The following MGA variants were observed in gnomAD, a reference collection of about 807,000 sequenced individuals.
The protein encoded by MGA is MAX dimerization protein MGA.
A neutral mutation model predicts 261.1 loss-of-function variants in MGA; 40 were observed. The observed-to-expected ratio is 0.15, with a 90% CI of 0.12 to 0.20. The LOEUF is 0.20. Among genes scored for constraint, MGA ranks in the 10% least tolerant of loss-of-function variants. The pLI, the probability that MGA is intolerant of heterozygous loss-of-function variation, is 1.00. For synonymous variants in MGA, 1,302 were observed against 1,290.6 expected (o/e 1.01, Z -0.19); for missense variants, 3,397 against 3,630.5 (o/e 0.94, Z 1.65).
At position 41,769,583 on chromosome 15, in the gene MGA, T is replaced by C. The variant is rs2063952764; in HGVS notation, c.*2303T>C. The C allele has an allele frequency of 6.6e-6, 1 of 152,496 alleles. No individual in the cohort carries two copies. The highest frequency in any genetic ancestry group is 1.5e-5 in the Non-Finnish European group (1 of 68,008). 9.4% of individuals were successfully genotyped at this position (152,496 alleles called of 1,614,324 possible). On this transcript the variant is annotated 3_prime_UTR_variant, in exon 24 of 24. Coordinates refer to ENST00000219905, the MANE Select transcript of MGA (RefSeq NM_001164273.2). Reference sequence around the variant, plus strand: ...TAAAATCTCCAAAAACTCCTACCCTTTAACCTTACCCTAGGGGGAACTGAT... The same window carrying C: ...TAAAATCTCCAAAAACTCCTACCCTCTAACCTTACCCTAGGGGGAACTGAT...
At chr15:41,739,790 T>A in intron 13 of MGA, 116 bp from the exon 14 acceptor site, 1 of 1,047,904 alleles carries the variant, frequency 9.5e-7, no homozygotes, top group South Asian at 1.5e-5. Flanking sequence ...TCTTTTTCCC[T>A]TTTAAATCTG....
At position 41,754,505 on chromosome 15, in the gene MGA, A is replaced by T; in HGVS notation, c.7077A>T (p.Ser2359=). ...ACATTGAGACTGTAGAAGAGCTCTCAGAGGAAATTAATGTTGCTCACCTGA... is the reference window on the plus strand; with the variant it reads ...ACATTGAGACTGTAGAAGAGCTCTCTGAGGAAATTAATGTTGCTCACCTGA... The change falls in exon 18 of 24, where the codon TCA becomes TCT. Residue 2359 remains serine (S), a synonymous_variant. Coordinates refer to ENST00000219905, the MANE Select transcript of MGA (RefSeq NM_001164273.2). 1 of 1,578,786 alleles carries T rather than the reference A, an allele frequency of 6.3e-7. No individual in the cohort carries two copies. Among genetic ancestry groups the T allele is most frequent in the South Asian group, 1.2e-5 (1 of 86,332 alleles).
chr15:41,731,731 A>C (rs116638012), intron 11 of MGA, among the ~76,000 whole-genome samples: 2,029 of 152,298 alleles, frequency 0.013, 49 homozygotes, highest in African/African-American at 0.046. Flanking sequence ...ATTATACACT[A>C]TGCCATTTGA....
At chr15:41,690,015 C>T (rs2059189058) in intron 2 of MGA, among the ~76,000 whole-genome samples, 1 of 152,194 alleles carries the variant, frequency 6.6e-6, no homozygotes, top group Non-Finnish European at 1.5e-5. Flanking sequence ...ACAACCGTTA[C>T]TTCAGTGCTG....
At position 41,748,738 on chromosome 15, in the gene MGA, C is replaced by T. The variant is rs762122487; in HGVS notation, c.5314C>T (p.Pro1772Ser). 2.6e-5 allele frequency: 42 copies of T among 1,613,820 alleles called. No individual in the cohort carries two copies. Among genetic ancestry groups the T allele is most frequent in the Middle Eastern group, 1.6e-4 (1 of 6,084 alleles). ...GTTGATTCCAGTGCAGCAGGGTTCT[C>T]CTACTCTTAGACCTGTCTCAAACAC... Residue 1772 changes from proline to serine, a missense_variant, in exon 16 of 24, where the codon CCT (proline) becomes TCT (serine). Transcript: ENST00000219905.
rs2060354821 is a variant in MGA, at chr15:41,710,913, C to T, written c.2648C>T (p.Ser883Phe). Reference sequence around the variant, plus strand: ...CAATCTACTATTTCCCCTTCTACCTCTTATTCTTTGAAACCTCATTCTGTA... The same window carrying T: ...CAATCTACTATTTCCCCTTCTACCTTTTATTCTTTGAAACCTCATTCTGTA... Residue 883 changes from serine to phenylalanine, a missense_variant, in exon 8 of 24, where the codon TCT (serine) becomes TTT (phenylalanine). Physicochemically the swap from Ser to Phe is radical, Grantham distance 155. Transcript: ENST00000219905. 6.2e-7 allele frequency: 1 copy of T among 1,613,882 alleles called. No homozygotes were observed. The highest frequency in any genetic ancestry group is 1.3e-5 in the African/African-American group (1 of 74,940).
chr15:41,633,955 T>G (rs1176888252), intron 1 of MGA, among the ~76,000 whole-genome samples: 1 of 152,166 alleles, frequency 6.6e-6, no homozygotes, highest in Non-Finnish European at 1.5e-5. Context: ...CTGCTCCAGC[T>G]TCTTCATCTC....
At chr15:41,740,236 C>T in intron 14 of MGA, 33 bp downstream of exon 14, 1 of 1,604,504 alleles carries the variant, frequency 6.2e-7, no homozygotes, top group Non-Finnish European at 8.5e-7. Context: ...TTTGGAAAGG[C>T]CTATGACTTG....
At position 41,622,841 on chromosome 15, in the gene MGA, A is replaced by G. The variant is rs548549737; in HGVS notation, c.-68+1543A>G. 7.5e-4 allele frequency among the ~76,000 whole-genome samples: 115 copies of G among 152,360 alleles called. 2 individuals are homozygous for G. Among genetic ancestry groups the G allele is most frequent in the African/African-American group, 2.5e-3 (105 of 41,588 alleles). The stretch of plus-strand genomic sequence containing the variant: ...GGTCAAGCCATTGGTGAAGAAAAGT[A>G]TAAATTGTATGTTTTCCATACCACT... On this transcript the variant is annotated intron_variant, in intron 1 of 8. Transcript: ENST00000566718.
chr15:41,685,826 C>T (rs1486623058), intron 2 of MGA, among the ~76,000 whole-genome samples: 1 of 151,690 alleles, frequency 6.6e-6, no homozygotes, highest in Admixed American at 6.6e-5. Context: ...CACGGTGAAA[C>T]CCCGTCTCTA....
chr15:41,737,112 A>T (rs1023316420), intron 13 of MGA, among the ~76,000 whole-genome samples: 1 of 152,138 alleles, frequency 6.6e-6, no homozygotes, highest in African/African-American at 2.4e-5. Flanking sequence ...GATGAAATTG[A>T]CTTAAAGATA....
intron 5 of MGA, among the ~76,000 whole-genome samples, chr15:41,705,111 A>G (rs2060041240): frequency 6.6e-6 from 1 of 152,200 alleles, no homozygotes; most frequent in Admixed American, 6.5e-5. Flanking sequence ...TCTGCAAGCT[A>G]AAGTTTTTAT....
At chr15:41,644,574 C>T (rs2056896786) in intron 1 of MGA, among the ~76,000 whole-genome samples, 1 of 151,952 alleles carries the variant, frequency 6.6e-6, no homozygotes, top group Non-Finnish European at 1.5e-5. Context: ...ATGAGAATCA[C>T]TTGAAACCCG....
intron 1 of MGA, among the ~76,000 whole-genome samples, chr15:41,651,831 T>G: frequency 3.5e-5 from 1 of 28,908 alleles, no homozygotes; most frequent in East Asian, 1.4e-3. Flanking sequence ...TCCTCTCCCC[T>G]CCCCCTCTCC....
At chr15:41,734,781 G>C (rs1456154489) in intron 12 of MGA, among the ~76,000 whole-genome samples, 187 bp downstream of exon 12, 2 of 151,740 alleles carry the variant, frequency 1.3e-5, no homozygotes, top group African/African-American at 2.4e-5. Flanking sequence ...TAACACTCCT[G>C]CTCTCAAAAA....
At chr15:41,650,493 A>ATCTTG in intron 1 of MGA, among the ~76,000 whole-genome samples, 1 of 152,066 alleles carries the variant, frequency 6.6e-6, no homozygotes, top group South Asian at 2.1e-4. Context: ...GCTGGAGTGC[A>ATCTTG]GTGGTGTGAT....
intron 2 of MGA, among the ~76,000 whole-genome samples, chr15:41,671,169 G>A (rs899370415): frequency 2.0e-5 from 3 of 152,144 alleles, no homozygotes; most frequent in Admixed American, 6.5e-5. Flanking sequence ...TCAGTATTCC[G>A]TGGAGGCTGC....
rs189548565 is a variant in MGA, at chr15:41,677,547, C to T, written c.1064+7589C>T. On this transcript the variant is annotated intron_variant, in intron 2 of 23. Transcript: ENST00000219905. ...AATACTGTTTTCCAAAGTGACTGAA[C>T]CACTCTATATTCCCATCAACAGTGC... is the stretch of plus-strand genomic sequence containing the variant. Among the ~76,000 whole-genome samples, 501 of 152,284 alleles carry T rather than the reference C, an allele frequency of 3.3e-3. 12 individuals carry two copies. Among genetic ancestry groups the T allele is most frequent in the Admixed American group, 0.028 (423 of 15,288 alleles).
rs755161339 is a variant in MGA at position 41,748,880 on chromosome 15, G to A, written c.5456G>A (p.Gly1819Asp). The change falls in exon 16 of 24, where the codon GGC becomes GAC. Residue 1819 changes from glycine to aspartate, a missense_variant. Physicochemically the swap from Gly to Asp is moderately conservative, Grantham distance 94. Around this residue, in one of 9 missense-constraint regions of MGA, gnomAD observed 1,410 missense variants for 1,386.4 expected, o/e 1.02. Transcript: ENST00000219905. ...CTTCTACCTTTGCATCAGCTTCGAG[G>A]CTCTAATACCCAGCCCAACTTACAG... 2.5e-6 allele frequency: 4 copies of A among 1,613,932 alleles called. No homozygotes were observed. Among genetic ancestry groups the A allele is most frequent in the South Asian group, 1.1e-5 (1 of 91,084 alleles).
Sources: allele counts gnomAD v4.1 joint callset (sites outside exome capture counted in the v4.1 genomes callset), GRCh38; gene constraint gnomAD v4.1.1; regional missense constraint gnomAD v4.1.1; transcripts MANE v1.5; gene names NCBI Gene and HGNC (gene_info 2026-07-23, HGNC 2026-07-21).